The following KIFBP variants were observed in gnomAD, a reference collection of about 807,000 sequenced individuals.
KIFBP encodes KIF-binding protein.
A neutral mutation model predicts 58.9 loss-of-function variants in KIFBP; 46 were observed. That is an observed-to-expected ratio of 0.78 (90% confidence interval 0.62 to 1.00). The LOEUF (loss-of-function observed/expected upper bound fraction) is 1.00, where lower values mean the gene tolerates loss of function less well. Ranked by LOEUF, KIFBP falls within the 50% of genes least tolerant of loss-of-function variation. The probability of loss-of-function intolerance (pLI) is 0.00; values close to 1 mark genes in which losing one functional copy is unlikely to be tolerated. For synonymous variants in KIFBP, 241 were observed against 283.4 expected (o/e 0.85, Z 1.50); for missense variants, 651 against 752.9 (o/e 0.86, Z 1.58).
At position 69,016,660 on chromosome 10, in the gene KIFBP, T is replaced by C; in HGVS notation, c.*244T>C. 2.1e-6 allele frequency: 1 copy of C among 479,252 alleles called. No individual in the cohort carries two copies. Among genetic ancestry groups the C allele is most frequent in the Non-Finnish European group, 3.7e-6 (1 of 268,538 alleles). The allele number at this position is 479,252 out of a possible 1,614,324, so 29.7% of individuals were successfully genotyped here. ...TTGTATTTTAGATGCTTGTTTCCTA[T>C]TAAAATACAGACATTTCTACCCTCA... On this transcript the variant is annotated 3_prime_UTR_variant, in exon 7 of 7. Coordinates refer to ENST00000361983, the MANE Select transcript of KIFBP (RefSeq NM_015634.4).
intron 4 of KIFBP, among the ~76,000 whole-genome samples, chr10:69,006,419 T>C (rs957561269): frequency 1.3e-5 from 2 of 152,214 alleles, no homozygotes; most frequent in Admixed American, 1.3e-4. Flanking sequence ...TTCTAGGTCT[T>C]TATACCATAC....
chr10:68,997,322 A>C (rs1843417295), intron 1 of KIFBP, among the ~76,000 whole-genome samples: 1 of 152,178 alleles, frequency 6.6e-6, no homozygotes, highest in Non-Finnish European at 1.5e-5. Context: ...CTCATGTTGA[A>C]TTGTGATCTT....
At chr10:69,013,539 G>A (rs569693692) in intron 6 of KIFBP, among the ~76,000 whole-genome samples, 54 of 152,208 alleles carry the variant, frequency 3.5e-4, no homozygotes, top group South Asian at 2.5e-3. Flanking sequence ...GAGAGAACAT[G>A]TAAGTAAACA....
chr10:68,992,637 G>A (rs1025574193), intron 1 of KIFBP, among the ~76,000 whole-genome samples: 1 of 152,078 alleles, frequency 6.6e-6, no homozygotes, highest in Admixed American at 6.5e-5. Context: ...GCTGACTTTT[G>A]TTTGGGGTAA....
At chr10:69,005,319 A>G (rs1054316368) in intron 3 of KIFBP, among the ~76,000 whole-genome samples, 194 bp downstream of exon 3, 1 of 152,258 alleles carries the variant, frequency 6.6e-6, no homozygotes. Context: ...AGATACAATA[A>G]ACAAATCCAA....
chr10:68,996,963 G>T (rs1051612252), intron 1 of KIFBP, among the ~76,000 whole-genome samples: 1 of 152,190 alleles, frequency 6.6e-6, no homozygotes, highest in Non-Finnish European at 1.5e-5. Flanking sequence ...GACCAGCCTG[G>T]ACAACATAGT....
At position 69,014,641 on chromosome 10, in the gene KIFBP, AT is replaced by A. The variant is rs201795829; in HGVS notation, c.991-898del. On this transcript the variant is annotated intron_variant, in intron 6 of 6. Coordinates refer to ENST00000361983, the MANE Select transcript of KIFBP (RefSeq NM_015634.4). ...AAAAGAAGAAAAGGCCTTGGGATCT[AT>A]TATTTATTTTTATTGGCCAAGAAGA... Among the ~76,000 whole-genome samples the A allele has an allele frequency of 6.0e-3, 895 of 149,270 alleles. 16 individuals are homozygous for A. The highest frequency in any genetic ancestry group is 0.021 in the African/African-American group (858 of 40,984).
intron 4 of KIFBP, among the ~76,000 whole-genome samples, chr10:69,008,419 T>TATA (rs1564637637): frequency 4.4e-5 from 6 of 137,576 alleles, no homozygotes; most frequent in South Asian, 2.2e-4. Context: ...TATATATATA[T>TATA]TCAGTCTTCT....
intron 1 of KIFBP, 76 bp downstream of exon 1, chr10:68,989,334 G>A (rs968886585): frequency 2.6e-6 from 4 of 1,520,418 alleles, no homozygotes; most frequent in Non-Finnish European, 3.6e-6. Context: ...CCAAGGCCAA[G>A]GGCAGACGTT....
chr10:69,008,444 AG>A (rs1843560312), intron 4 of KIFBP, among the ~76,000 whole-genome samples: 1 of 143,458 alleles, frequency 7.0e-6, no homozygotes, highest in African/African-American at 2.7e-5. Context: ...CAATGTAAAT[AG>A]TCTAAGAATT....
chr10:69,005,625 A>C (rs1045645442), intron 3 of KIFBP, 107 bp from the exon 4 acceptor site: 3 of 831,558 alleles, frequency 3.6e-6, no homozygotes, highest in South Asian at 1.5e-5. Flanking sequence ...GTGAGCCAAG[A>C]TCGTGCCACT....
In KIFBP at chr10:68,989,194, G is replaced by A; in HGVS notation, c.362G>A (p.Cys121Tyr). 6.2e-7 allele frequency: 1 copy of A among 1,613,620 alleles called. No individual in the cohort carries two copies. ...GCGGGGGAGGAGCACCTGGTGAAAT[G>A]CCTGCGGCTGCTGCGCAGGTACCGG... ...LSAGEEHLVK[C>Y]LRLLRRYRLS... Residue 121 changes from cysteine (C) to tyrosine (Y), a missense_variant, in exon 1 of 7, where the codon TGC becomes TAC. Physicochemically the swap from Cys to Tyr is radical, Grantham distance 194 (BLOSUM62 -2). Transcript: ENST00000361983.
rs1451406285 is a variant in KIFBP at position 68,988,809 on chromosome 10, G to T, written c.-24G>T. ...GGGAGTCCCGACTGCAAACATTGAG[G>T]AAAGCCAGGCAGTAGAGGCCGCTAT... On this transcript the variant is annotated 5_prime_UTR_variant, in exon 1 of 7. Coordinates refer to ENST00000361983, the MANE Select transcript of KIFBP (RefSeq NM_015634.4). 6.2e-7 allele frequency: 1 copy of T among 1,614,232 alleles called. No individual in the cohort carries two copies. The highest frequency in any genetic ancestry group is 8.5e-7 in the Non-Finnish European group (1 of 1,180,038).
intron 4 of KIFBP, chr10:69,007,707 A>T (rs2132114691): frequency 6.6e-6 from 1 of 152,362 alleles, no homozygotes; most frequent in Middle Eastern, 3.4e-3. Flanking sequence ...GATACATTTA[A>T]TGCTGCAATT....
At chr10:69,008,377 T>TAAAAAAAAAAAAAAAAAAA (rs1211667916) in intron 4 of KIFBP, among the ~76,000 whole-genome samples, 2 of 75,464 alleles carry the variant, frequency 2.7e-5, no homozygotes, top group Non-Finnish European at 4.3e-5. Flanking sequence ...CCCTGTCTCG[T>TAAAAAAAAAAAAAAAAAAA]AAAAAAAAAA....
intron 1 of KIFBP, chr10:68,989,704 G>GT (rs1284814085): frequency 2.7e-5 from 5 of 182,990 alleles, no homozygotes; most frequent in South Asian, 1.0e-4. Flanking sequence ...TCTTGTTTTT[G>GT]TTTTTTTCTT....
intron 1 of KIFBP, chr10:68,989,507 A>G (rs1351158201): frequency 5.2e-6 from 3 of 580,326 alleles, no homozygotes; most frequent in East Asian, 5.8e-5. Flanking sequence ...GCCCACACCA[A>G]TATCGCTTGC....
chr10:69,010,382 G>A (rs1843578674), intron 5 of KIFBP, among the ~76,000 whole-genome samples: 5 of 152,160 alleles, frequency 3.3e-5, no homozygotes. Context: ...AAAAATGTGT[G>A]TATGTGTATA....
intron 6 of KIFBP, among the ~76,000 whole-genome samples, chr10:69,012,087 T>A (rs779714029): frequency 2.0e-5 from 3 of 152,152 alleles, no homozygotes; most frequent in Admixed American, 6.5e-5. Flanking sequence ...AAATAGCTCA[T>A]GTAATAGTTC....
Sources: allele counts gnomAD v4.1 joint callset (sites outside exome capture counted in the v4.1 genomes callset), GRCh38; gene constraint gnomAD v4.1.1; transcripts MANE v1.5; gene names NCBI Gene and HGNC (gene_info 2026-07-23, HGNC 2026-07-21).